CCND2: variants seen among roughly 807,000 people sequenced by gnomAD.
The protein encoded by CCND2 is G1/S-specific cyclin-D2.
Under a neutral mutation model 30.2 loss-of-function variants are expected in CCND2, and 6 were observed. That is an observed-to-expected ratio of 0.20 (90% CI 0.11 to 0.39). The LOEUF is 0.39. CCND2 is among the 10% of genes least tolerant of loss of function. The probability of loss-of-function intolerance (pLI) is 1.00; values close to 1 mark genes in which losing one functional copy is unlikely to be tolerated. For missense variants in CCND2, 235 were observed against 373.4 expected (o/e 0.63, Z 3.06); for synonymous variants, 150 against 153.1 (o/e 0.98, Z 0.15).
At position 4,301,983 on chromosome 12, in the gene CCND2, A is replaced by G. The variant is rs539676160; in HGVS notation, c.*1974A>G. The G allele has an allele frequency of 1.4e-5, 3 of 218,366 alleles. No homozygotes were observed. Among genetic ancestry groups the G allele is most frequent in the South Asian group, 1.9e-4 (1 of 5,298 alleles). The allele number at this position is 218,366 out of a possible 1,614,324, so 13.5% of individuals were successfully genotyped here. The stretch of plus-strand genomic sequence containing the variant: ...CTCTGATCACATTCTTCAAAGACGG[A>G]GTATTCTTTACCTCAGGTTTACTGG... On this transcript the variant is annotated 3_prime_UTR_variant, in exon 5 of 5. Coordinates refer to ENST00000261254, the MANE Select transcript of CCND2 (RefSeq NM_001759.4).
At chr12:4,292,877 T>C (rs1864119214) in intron 4 of CCND2, among the ~76,000 whole-genome samples, 1 of 152,144 alleles carries the variant, frequency 6.6e-6, no homozygotes, top group African/African-American at 2.4e-5. Context: ...CGGGGTCCTC[T>C]TCCATCCCCT....
At position 4,293,329 on chromosome 12, in the gene CCND2, C is replaced by T. The variant is rs1864124654; in HGVS notation, c.720+4339C>T. Among the ~76,000 whole-genome samples, 3 of 152,228 alleles carry T rather than the reference C, an allele frequency of 2.0e-5. No homozygotes were observed. In the South Asian group the frequency reaches 6.2e-4, roughly 32 times the overall value. ...TGCAAGATACTTAACAGAAGAAAGA[C>T]TCTAGTCATCTGTTCCTTATATTTA... is the stretch of plus-strand genomic sequence containing the variant. On this transcript the variant is annotated intron_variant, in intron 4 of 4. Coordinates refer to ENST00000261254, the MANE Select transcript of CCND2 (RefSeq NM_001759.4). This position sits in a 1 kb window ranked among gnomAD's most constrained non-coding sequence, Gnocchi z 4.9.
intron 4 of CCND2, among the ~76,000 whole-genome samples, chr12:4,289,964 G>C (rs1360768860): frequency 6.6e-6 from 1 of 152,208 alleles, no homozygotes; most frequent in African/African-American, 2.4e-5. Context: ...CAACCTGAGA[G>C]AGGGGTGTTG....
intron 3 of CCND2, among the ~76,000 whole-genome samples, chr12:4,284,128 T>C (rs1337293043): frequency 6.6e-6 from 1 of 152,190 alleles, no homozygotes; most frequent in Non-Finnish European, 1.5e-5. Context: ...ACCACAGTCC[T>C]GCAGGAAGTA....
Position 4,300,120 on chromosome 12 carries a change from C to A in CCND2, c.*111C>A. 1 of 1,076,076 alleles carries A rather than the reference C, an allele frequency of 9.3e-7. No homozygotes were observed. Among genetic ancestry groups the A allele is most frequent in the Non-Finnish European group, 1.3e-6 (1 of 773,934 alleles). 66.7% of individuals were successfully genotyped at this position (1,076,076 alleles called of 1,614,324 possible). Reference sequence around the variant, plus strand: ...GGTGAAACTTAAAAAAAAAATTCTGCCCCCACCTAGATCATATTTAAAGAT... The same window carrying A: ...GGTGAAACTTAAAAAAAAAATTCTGACCCCACCTAGATCATATTTAAAGAT... On this transcript the variant is annotated 3_prime_UTR_variant, in exon 5 of 5. Coordinates refer to ENST00000261254, the MANE Select transcript of CCND2 (RefSeq NM_001759.4).
At chr12:4,290,915 T>C (rs1864092357) in intron 4 of CCND2, among the ~76,000 whole-genome samples, 1 of 152,238 alleles carries the variant, frequency 6.6e-6, no homozygotes, top group Admixed American at 6.5e-5. Context: ...GGTGTCCTCC[T>C]ATAAATCCTA....
rs1049926798 is a variant in CCND2, at chr12:4,282,962, C to G, written c.571+4043C>G. 1.1e-4 allele frequency among the ~76,000 whole-genome samples: 17 copies of G among 152,186 alleles called. No individual in the cohort carries two copies. The highest frequency in any genetic ancestry group is 4.1e-4 in the African/African-American group (17 of 41,446). ...TGGGGAAAGCCTGACCTGGCCTTCCCTTTCTTCTTCAGCGTCAGAGTGCGT... is the reference window on the plus strand; with the variant it reads ...TGGGGAAAGCCTGACCTGGCCTTCCGTTTCTTCTTCAGCGTCAGAGTGCGT... On this transcript the variant is annotated intron_variant, in intron 3 of 4. Transcript: ENST00000261254. The surrounding 1 kb of genome is among the most constrained non-coding windows in gnomAD (Gnocchi z 4.3).
chr12:4,293,607 C>T lies in CCND2; in HGVS notation c.720+4617C>T, dbSNP rs1004841656. Among the ~76,000 whole-genome samples, 1 of 152,150 alleles carries T rather than the reference C, an allele frequency of 6.6e-6. No individual in the cohort carries two copies. Among genetic ancestry groups the T allele is most frequent in the Non-Finnish European group, 1.5e-5 (1 of 68,026 alleles). On this transcript the variant is annotated intron_variant, in intron 4 of 4. Transcript: ENST00000261254. The surrounding 1 kb of genome is among the most constrained non-coding windows in gnomAD (Gnocchi z 4.9). The stretch of plus-strand genomic sequence containing the variant: ...TTGCCCAGAGAAGATTCCAGGATAT[C>T]CCTTCCTTAGGGTCATCCTGGCATT...
Position 4,274,244 on chromosome 12 carries a change from G to A in CCND2, c.195+9G>A, listed in dbSNP as rs1014244917. 4 of 1,613,190 alleles carry A rather than the reference G, an allele frequency of 2.5e-6. No individual in the cohort carries two copies. The highest frequency in any genetic ancestry group is 1.7e-4 in the Middle Eastern group (1 of 5,948). On this transcript the variant is annotated intron_variant, in intron 1 of 4. Coordinates refer to ENST00000261254, the MANE Select transcript of CCND2 (RefSeq NM_001759.4). This position sits in a 1 kb window ranked among gnomAD's most constrained non-coding sequence, Gnocchi z 7.7. The stretch of plus-strand genomic sequence containing the variant: ...CCACCTGGATGCTGGAGGTAGGTCG[G>A]GGGGTGGCGCTCGCCAGGAGCCAGG...
chr12:4,289,680 A>T (rs1864071057), intron 4 of CCND2, among the ~76,000 whole-genome samples: 1 of 152,228 alleles, frequency 6.6e-6, no homozygotes, highest in Non-Finnish European at 1.5e-5. Context: ...GTTTTGAGAG[A>T]GACCAGGGTC....
Position 4,293,392 on chromosome 12 carries a change from C to A in CCND2, c.720+4402C>A, listed in dbSNP as rs867743270. Reference sequence around the variant, plus strand: ...TAAGTCACATCAAAACTCTTTGTCACATTCTTTAAAAACAAAAAGCAAAAA... The same window carrying A: ...TAAGTCACATCAAAACTCTTTGTCAAATTCTTTAAAAACAAAAAGCAAAAA... On this transcript the variant is annotated intron_variant, in intron 4 of 4. Coordinates refer to ENST00000261254, the MANE Select transcript of CCND2 (RefSeq NM_001759.4). This position sits in a 1 kb window ranked among gnomAD's most constrained non-coding sequence, Gnocchi z 4.9. Among the ~76,000 whole-genome samples, 16 of 152,204 alleles carry A rather than the reference C, an allele frequency of 1.1e-4. No individual in the cohort carries two copies. The highest frequency in any genetic ancestry group is 3.9e-4 in the African/African-American group (16 of 41,444).
Position 4,300,268 on chromosome 12 carries a change from AAAGT to A in CCND2, c.*262_*265del. The A allele has an allele frequency of 2.6e-6, 1 of 384,410 alleles. No homozygotes were observed. Among genetic ancestry groups the A allele is most frequent in the Non-Finnish European group, 4.7e-6 (1 of 212,888 alleles). 23.8% of individuals were successfully genotyped at this position (384,410 alleles called of 1,614,324 possible). A position where few individuals can be genotyped will look rare whatever the true frequency, so the allele number is the denominator to read the frequency against. ...CGAACAGTTATTGTTTGATTATGTA[AAAGT>A]AATAGTAAAATGCTTACAGGAAAAC... On this transcript the variant is annotated 3_prime_UTR_variant, in exon 5 of 5. Coordinates refer to ENST00000261254, the MANE Select transcript of CCND2 (RefSeq NM_001759.4).
rs1864007353 is a variant in CCND2 at position 4,285,249 on chromosome 12, G to A, written c.572-3593G>A. The A allele has an allele frequency of 1.0e-6, 1 of 981,204 alleles. No individual in the cohort carries two copies. The allele number at this position is 981,204 out of a possible 1,614,324, so 60.8% of individuals were successfully genotyped here. On this transcript the variant is annotated intron_variant, in intron 3 of 4. Transcript: ENST00000261254. The surrounding 1 kb of genome is among the most constrained non-coding windows in gnomAD (Gnocchi z 4.1). ...GTCGATCAGAATGGATCGCTGATCG[G>A]TTCATTGCCTCTCTCTCTGCTGCAG...
At chr12:4,281,761 A>G (rs766503248) in intron 3 of CCND2, among the ~76,000 whole-genome samples, 5 of 152,136 alleles carry the variant, frequency 3.3e-5, no homozygotes, top group Non-Finnish European at 5.9e-5. Context: ...AAGGGAGAGC[A>G]GGAGAACATA....
At chr12:4,297,414 T>A (rs1864185796) in intron 4 of CCND2, among the ~76,000 whole-genome samples, 1 of 150,924 alleles carries the variant, frequency 6.6e-6, no homozygotes, top group Admixed American at 6.6e-5. Context: ...CAACTATAAA[T>A]ACAAAAATCA....
chr12:4,303,992 C>T lies in CCND2; in HGVS notation c.*3983C>T, dbSNP rs567563931. Reference sequence around the variant, plus strand: ...CTAGCAGGATTGGCAACTCTTCAGACGGAGCTGCGCTTCCCTGCAGTCTAG... The same window carrying T: ...CTAGCAGGATTGGCAACTCTTCAGATGGAGCTGCGCTTCCCTGCAGTCTAG... On this transcript the variant is annotated 3_prime_UTR_variant, in exon 5 of 5. Transcript: ENST00000261254. The surrounding 1 kb of genome is among the most constrained non-coding windows in gnomAD (Gnocchi z 4.6). 39 of 233,290 alleles carry T rather than the reference C, an allele frequency of 1.7e-4. No individual in the cohort carries two copies. The South Asian group carries it at 4.2e-3, about 25-fold the overall frequency. The allele number at this position is 233,290 out of a possible 1,614,324, so 14.5% of individuals were successfully genotyped here.
At position 4,301,865 on chromosome 12, in the gene CCND2, C is replaced by T. The variant is rs949980308; in HGVS notation, c.*1856C>T. 11 of 230,888 alleles carry T rather than the reference C, an allele frequency of 4.8e-5. No individual in the cohort carries two copies. Among genetic ancestry groups the T allele is most frequent in the Non-Finnish European group, 9.4e-5 (11 of 117,418 alleles). 14.3% of individuals were successfully genotyped at this position (230,888 alleles called of 1,614,324 possible). On this transcript the variant is annotated 3_prime_UTR_variant, in exon 5 of 5. Coordinates refer to ENST00000261254, the MANE Select transcript of CCND2 (RefSeq NM_001759.4). ...ATGGTTGAGATATGAGTTCTTCGTA[C>T]TGGAAAAGCCCTTCCGTAGTTTGTT...
At position 4,276,522 on chromosome 12, in the gene CCND2, C is replaced by T. The variant is rs546891429; in HGVS notation, c.411+302C>T. ...ATTGTGTATGCATGTGTGTAGGGGACGCATGGAATATTTTAATTAACAGTG... is the reference window on the plus strand; with the variant it reads ...ATTGTGTATGCATGTGTGTAGGGGATGCATGGAATATTTTAATTAACAGTG... On this transcript the variant is annotated intron_variant, in intron 2 of 4. Transcript: ENST00000261254. This position sits in a 1 kb window ranked among gnomAD's most constrained non-coding sequence, Gnocchi z 4.8. Among the ~76,000 whole-genome samples the T allele has an allele frequency of 2.0e-5, 3 of 152,072 alleles. No homozygotes were observed. Among genetic ancestry groups the T allele is most frequent in the Non-Finnish European group, 2.9e-5 (2 of 68,016 alleles).
At chr12:4,280,467 G>T (rs1417972292) in intron 3 of CCND2, among the ~76,000 whole-genome samples, 1 of 152,232 alleles carries the variant, frequency 6.6e-6, no homozygotes, top group African/African-American at 2.4e-5. Flanking sequence ...GCGTGCACAT[G>T]CGCCCTGTGC....
Sources: gnomAD v4.1 joint callset for allele counts (sites outside exome capture counted in the v4.1 genomes callset) on GRCh38, gnomAD v4.1.1 for gene constraint, Gnocchi (gnomAD v3.1) non-coding constraint, MANE v1.5 for transcripts, NCBI Gene and HGNC (gene_info 2026-07-23, HGNC 2026-07-21) for gene names.